The following RIMS2 variants were observed in gnomAD, a reference collection of about 807,000 sequenced individuals.
The protein encoded by RIMS2 is regulating synaptic membrane exocytosis 2.
A neutral mutation model predicts 174.4 loss-of-function variants in RIMS2; 59 were observed. The ratio of observed to expected loss-of-function variants is 0.34; its 90% CI spans 0.27 to 0.42. RIMS2 has a LOEUF of 0.42. Among genes scored for constraint, RIMS2 ranks in the 10% least tolerant of loss-of-function variants. The probability of loss-of-function intolerance (pLI) is 1.00; values close to 1 mark genes in which losing one functional copy is unlikely to be tolerated. For synonymous variants in RIMS2, 606 were observed against 572.5 expected (o/e 1.06, Z -0.84); for missense variants, 1,620 against 1,666.3 (o/e 0.97, Z 0.48).
chr8:103,530,483 G>C (rs1485444265), intron 1 of RIMS2, among the ~76,000 whole-genome samples: 1 of 152,062 alleles, frequency 6.6e-6, no homozygotes, highest in South Asian at 2.1e-4. Context: ...GAATCCAACT[G>C]TATGCTATTT....
intron 2 of RIMS2, among the ~76,000 whole-genome samples, chr8:103,707,089 C>T (rs1202706227): frequency 6.6e-6 from 1 of 152,168 alleles, no homozygotes; most frequent in Non-Finnish European, 1.5e-5. Context: ...TTCTTTTAAT[C>T]ATTGATGTTT....
At chr8:104,243,071 A>G (rs1366883152) in intron 19 of RIMS2, among the ~76,000 whole-genome samples, 1 of 152,202 alleles carries the variant, frequency 6.6e-6, no homozygotes, top group Non-Finnish European at 1.5e-5. Context: ...ATGCTTTTAC[A>G]TTTACTAATA....
intron 2 of RIMS2, among the ~76,000 whole-genome samples, chr8:103,753,926 C>T (rs950650786): frequency 6.6e-6 from 1 of 152,130 alleles, no homozygotes; most frequent in Non-Finnish European, 1.5e-5. Flanking sequence ...GTCTCTATCT[C>T]CTTCAGTTCT....
chr8:103,803,198 T>C (rs1390717771), intron 3 of RIMS2, among the ~76,000 whole-genome samples: 1 of 152,128 alleles, frequency 6.6e-6, no homozygotes. Flanking sequence ...ATTATTATAG[T>C]TCAAATTTTT....
intron 19 of RIMS2, among the ~76,000 whole-genome samples, chr8:104,020,397 G>A (rs574273957): frequency 1.3e-5 from 2 of 152,102 alleles, no homozygotes; most frequent in African/African-American, 4.8e-5. Flanking sequence ...ACTGACATTT[G>A]TAATATATTT....
intron 3 of RIMS2, among the ~76,000 whole-genome samples, chr8:103,770,266 C>A (rs1323120851): frequency 6.6e-6 from 1 of 152,148 alleles, no homozygotes; most frequent in Non-Finnish European, 1.5e-5. Flanking sequence ...TTGTGAAAGA[C>A]CATATGGGTC....
chr8:104,101,032 A>ATATAT (rs1236482893), intron 19 of RIMS2, among the ~76,000 whole-genome samples: 3 of 141,956 alleles, frequency 2.1e-5, no homozygotes, highest in Non-Finnish European at 3.0e-5. Context: ...AATATATGTT[A>ATATAT]TATATTATAT....
chr8:103,987,999 A>G (rs948114992), intron 16 of RIMS2, among the ~76,000 whole-genome samples: 1 of 152,228 alleles, frequency 6.6e-6, no homozygotes, highest in Admixed American at 6.5e-5. Flanking sequence ...TCCATAAATT[A>G]ATTTATAAAT....
In RIMS2 at chr8:103,990,635, A is replaced by G. The variant is rs149749399; in HGVS notation, c.3044+1214A>G. Reference sequence around the variant, plus strand: ...ATGATTAGGAGTTGAAAGGAGTCATATTAGGATGAATGAAGAGGTATTTTA... The same window carrying G: ...ATGATTAGGAGTTGAAAGGAGTCATGTTAGGATGAATGAAGAGGTATTTTA... On this transcript the variant is annotated intron_variant, in intron 17 of 23. Transcript: ENST00000504942. Among the ~76,000 whole-genome samples, 13 of 152,144 alleles carry G rather than the reference A, an allele frequency of 8.5e-5. No homozygotes were observed. In the East Asian group the frequency reaches 2.5e-3, roughly 29 times the overall value.
intron 10 of RIMS2, among the ~76,000 whole-genome samples, chr8:103,925,200 C>T (rs1451210193): frequency 2.0e-5 from 3 of 151,598 alleles, no homozygotes; most frequent in African/African-American, 7.2e-5. Context: ...ACAGTTGATA[C>T]TATTGATAAT....
intron 1 of RIMS2, among the ~76,000 whole-genome samples, chr8:103,671,741 A>G (rs2096746583): frequency 6.6e-6 from 1 of 152,234 alleles, no homozygotes; most frequent in Admixed American, 6.5e-5. Context: ...ATAACTTAAC[A>G]TAATAACTAT....
intron 11 of RIMS2, among the ~76,000 whole-genome samples, chr8:103,930,453 A>G (rs979208156): frequency 1.3e-5 from 2 of 152,064 alleles, no homozygotes; most frequent in African/African-American, 4.8e-5. Context: ...CAGAGCCGTA[A>G]TTATCATAGA....
chr8:103,681,071 G>A (rs1272437305), intron 1 of RIMS2, among the ~76,000 whole-genome samples: 2 of 151,950 alleles, frequency 1.3e-5, no homozygotes, highest in African/African-American at 4.8e-5. Flanking sequence ...TGAATAAAAT[G>A]TGATTATCCA....
At chr8:103,502,568 A>C (rs1820808693) in intron 1 of RIMS2, among the ~76,000 whole-genome samples, 1 of 152,114 alleles carries the variant, frequency 6.6e-6, no homozygotes, top group Admixed American at 6.5e-5. Flanking sequence ...TAAGCAGTTT[A>C]CTCTAACTAA....
At chr8:103,814,330 T>C (rs920303071) in intron 3 of RIMS2, among the ~76,000 whole-genome samples, 14 of 146,252 alleles carry the variant, frequency 9.6e-5, no homozygotes, top group African/African-American at 3.1e-4. Flanking sequence ...TGAAATAATC[T>C]GTACAACTGT....
intron 1 of RIMS2, among the ~76,000 whole-genome samples, chr8:103,610,047 T>G (rs995654957): frequency 3.3e-5 from 5 of 152,170 alleles, no homozygotes; most frequent in African/African-American, 1.2e-4. Context: ...GATCTTTCAC[T>G]TCCTTCATTA....
intron 19 of RIMS2, among the ~76,000 whole-genome samples, chr8:104,085,166 T>A (rs2097514261): frequency 6.6e-6 from 1 of 152,196 alleles, no homozygotes; most frequent in Non-Finnish European, 1.5e-5. Context: ...GGAATTTTAC[T>A]TCACACAACA....
intron 1 of RIMS2, among the ~76,000 whole-genome samples, chr8:103,563,074 G>T (rs186106215): frequency 6.6e-6 from 1 of 152,212 alleles, no homozygotes; most frequent in Non-Finnish European, 1.5e-5. Flanking sequence ...CTCCAGGCCT[G>T]TGATGGGAGG....
intron 1 of RIMS2, among the ~76,000 whole-genome samples, chr8:103,650,742 C>A (rs1196468452): frequency 6.6e-6 from 1 of 152,210 alleles, no homozygotes; most frequent in Non-Finnish European, 1.5e-5. Context: ...TCCAAACTGC[C>A]TGTATTCTTC....
Sources: allele counts gnomAD v4.1 joint callset (sites outside exome capture counted in the v4.1 genomes callset), GRCh38; gene constraint gnomAD v4.1.1; transcripts MANE v1.5; gene names NCBI Gene and HGNC (gene_info 2026-07-23, HGNC 2026-07-21).